The following SLC39A11 variants were observed in gnomAD, a reference collection of about 807,000 sequenced individuals.
SLC39A11 encodes the protein solute carrier family 39 member 11.
In SLC39A11, 33 loss-of-function variants were observed where a neutral mutation model predicts 36.1. The observed-to-expected ratio is 0.91, with a 90% CI of 0.69 to 1.22. The LOEUF (loss-of-function observed/expected upper bound fraction) is 1.22, where lower values mean the gene tolerates loss of function less well. Among genes scored for constraint, SLC39A11 ranks in the 50% most tolerant of loss-of-function variants. The probability of loss-of-function intolerance (pLI) is 0.00; values close to 1 mark genes in which losing one functional copy is unlikely to be tolerated. For synonymous variants in SLC39A11, 166 were observed against 170.3 expected, an observed-to-expected ratio of 0.97 and a Z score of 0.20; for missense variants, 432 against 430.3, an observed-to-expected ratio of 1.00 and a Z score of -0.03.
chr17:72,695,069 T>C (rs559892210), intron 7 of SLC39A11, among the ~76,000 whole-genome samples: 1 of 152,158 alleles, frequency 6.6e-6, no homozygotes. Context: ...TTGGTTCTCT[T>C]TGGAAATCAA....
chr17:72,798,725 C>A (rs1301029984), intron 6 of SLC39A11, among the ~76,000 whole-genome samples: 1 of 151,994 alleles, frequency 6.6e-6, no homozygotes, highest in African/African-American at 2.4e-5. Context: ...ACCAAGGGGG[C>A]CCCACCCTCC....
chr17:72,858,127 G>A (rs1598140570), intron 5 of SLC39A11, among the ~76,000 whole-genome samples: 1 of 152,098 alleles, frequency 6.6e-6, no homozygotes, highest in African/African-American at 2.4e-5. Context: ...CTTAAGTCTT[G>A]AATCCATCTT....
chr17:72,752,635 C>T (rs542988603), intron 6 of SLC39A11, among the ~76,000 whole-genome samples: 2 of 152,202 alleles, frequency 1.3e-5, no homozygotes, highest in Non-Finnish European at 2.9e-5. Flanking sequence ...TCAAGTAATC[C>T]TCCTGCCTTG....
chr17:73,033,133 C>A (rs777051871), intron 3 of SLC39A11, among the ~76,000 whole-genome samples: 1 of 152,184 alleles, frequency 6.6e-6, no homozygotes, highest in Non-Finnish European at 1.5e-5. Context: ...ATAGGGTTCA[C>A]GTTCCTATGA....
chr17:72,836,522 G>A (rs1359389445), intron 6 of SLC39A11, among the ~76,000 whole-genome samples: 2 of 151,994 alleles, frequency 1.3e-5, no homozygotes, highest in African/African-American at 4.8e-5. Flanking sequence ...TGTATTTTTT[G>A]TAGAGATGGG....
rs151142811 is a variant in SLC39A11, at chr17:73,047,990, AAT to A, written c.148-16278_148-16277del. Among the ~76,000 whole-genome samples the A allele has an allele frequency of 1.7e-3, 100 of 58,640 alleles. 1 individual carries two copies. The highest frequency in any genetic ancestry group is 3.4e-3 in the South Asian group (5 of 1,470). The allele number at this position is 58,640 out of a possible 152,430, so 38.5% of individuals were successfully genotyped here. Reference sequence around the variant, plus strand: ...TCAAAAAAAAAAAAAAAAAAAAAAAAATATATATATATATATATATATATATA... The same window carrying A: ...TCAAAAAAAAAAAAAAAAAAAAAAAAATATATATATATATATATATATATA... On this transcript the variant is annotated intron_variant, in intron 3 of 9. Transcript: ENST00000255559.
chr17:72,901,128 C>T (rs2082375563), intron 5 of SLC39A11, among the ~76,000 whole-genome samples: 1 of 152,184 alleles, frequency 6.6e-6, no homozygotes, highest in Non-Finnish European at 1.5e-5. Flanking sequence ...AGAAATATTT[C>T]TCCTGGTAGA....
chr17:72,651,779 G>C (rs367818945), intron 7 of SLC39A11, among the ~76,000 whole-genome samples: 1 of 152,180 alleles, frequency 6.6e-6, no homozygotes, highest in Non-Finnish European at 1.5e-5. Flanking sequence ...CAGAAGCATT[G>C]AGCCTGTCTC....
chr17:72,686,481 T>C (rs2071756642), intron 7 of SLC39A11, among the ~76,000 whole-genome samples: 1 of 152,166 alleles, frequency 6.6e-6, no homozygotes, highest in South Asian at 2.1e-4. Flanking sequence ...TTCGTGATAG[T>C]AAAGACAGGT....
At chr17:73,044,878 G>GA (rs11298701) in intron 3 of SLC39A11, among the ~76,000 whole-genome samples, 123 of 118,998 alleles carry the variant, frequency 1.0e-3, no homozygotes, top group Middle Eastern at 4.5e-3. Context: ...CTCTGTCTCA[G>GA]AAAAAAAAAA....
intron 3 of SLC39A11, among the ~76,000 whole-genome samples, chr17:73,065,136 G>C (rs904001684): frequency 6.6e-6 from 1 of 152,192 alleles, no homozygotes; most frequent in Admixed American, 6.5e-5. Context: ...CAGGCTCAGT[G>C]GCTCACGTCT....
chr17:72,989,088 C>A (rs1230709948), intron 4 of SLC39A11, among the ~76,000 whole-genome samples: 1 of 152,170 alleles, frequency 6.6e-6, no homozygotes, highest in Admixed American at 6.5e-5. Flanking sequence ...ATCTGCTTCA[C>A]AACAATGTGA....
At chr17:72,944,532 A>ACAC (rs1555644620) in intron 5 of SLC39A11, among the ~76,000 whole-genome samples, 136 of 151,162 alleles carry the variant, frequency 9.0e-4, no homozygotes, top group Middle Eastern at 6.9e-3. Flanking sequence ...TTGCCTTTCA[A>ACAC]ACACACACAC....
intron 6 of SLC39A11, among the ~76,000 whole-genome samples, chr17:72,814,766 A>C (rs538073453): frequency 6.6e-6 from 1 of 152,364 alleles, no homozygotes; most frequent in South Asian, 2.1e-4. Context: ...GAGGTCATCC[A>C]CAATGCATCC....
At chr17:72,665,398 T>TTTTTTTTTTTTG (rs2070701115) in intron 7 of SLC39A11, among the ~76,000 whole-genome samples, 1 of 130,174 alleles carries the variant, frequency 7.7e-6, no homozygotes, top group Non-Finnish European at 1.6e-5. Flanking sequence ...TGTTTTTTTT[T>TTTTTTTTTTTTG]TTTTTTTTTT....
Position 72,830,629 on chromosome 17 carries a change from A to G in SLC39A11, c.601+19005T>C, listed in dbSNP as rs113073250. Among the ~76,000 whole-genome samples the G allele has an allele frequency of 2.3e-3, 350 of 152,184 alleles. 1 individual carries two copies. The highest frequency in any genetic ancestry group is 8.2e-3 in the African/African-American group (341 of 41,498). On this transcript the variant is annotated intron_variant, in intron 6 of 9. Coordinates refer to ENST00000255559, the MANE Select transcript of SLC39A11 (RefSeq NM_139177.4). ...AAGCAACAGGGCACACTTTGGAACT[A>G]CCAGGAGGCAAAACCCAGTGCTTAT...
chr17:73,034,502 G>A (rs372116475), intron 3 of SLC39A11, among the ~76,000 whole-genome samples: 1 of 152,206 alleles, frequency 6.6e-6, no homozygotes, highest in East Asian at 1.9e-4. Flanking sequence ...GATTAAAGGC[G>A]TGAGCCACTG....
intron 5 of SLC39A11, among the ~76,000 whole-genome samples, chr17:72,880,458 G>A (rs2081139159): frequency 6.6e-6 from 1 of 152,132 alleles, no homozygotes; most frequent in African/African-American, 2.4e-5. Context: ...TGTGGTCACA[G>A]CTACTTGGGA....
At chr17:72,990,592 T>A (rs2089102052) in intron 4 of SLC39A11, among the ~76,000 whole-genome samples, 3 of 152,040 alleles carry the variant, frequency 2.0e-5, no homozygotes, top group African/African-American at 7.2e-5. Context: ...GTCCAGCTAA[T>A]TTTTTTTGTA....
Sources: allele counts gnomAD v4.1 joint callset (sites outside exome capture counted in the v4.1 genomes callset), GRCh38; gene constraint gnomAD v4.1.1; transcripts MANE v1.5; gene names NCBI Gene and HGNC (gene_info 2026-07-23, HGNC 2026-07-21).